The following KCTD8 variants were observed in gnomAD, a reference collection of about 807,000 sequenced individuals.
KCTD8 encodes potassium channel tetramerization domain containing 8, also known as BTB/POZ domain-containing protein KCTD8.
In KCTD8, 27 loss-of-function variants were observed where a neutral mutation model predicts 31.5. The ratio of observed to expected loss-of-function variants is 0.86; its 90% CI spans 0.63 to 1.18. The LOEUF (loss-of-function observed/expected upper bound fraction) is 1.18, where lower values mean the gene tolerates loss of function less well. Among genes scored for constraint, KCTD8 ranks in the 50% most tolerant of loss-of-function variants. The probability of loss-of-function intolerance (pLI) is 0.00; values close to 1 mark genes in which losing one functional copy is unlikely to be tolerated. For missense variants in KCTD8, 658 were observed against 647.7 expected, an observed-to-expected ratio of 1.02 and a Z score of -0.17; for synonymous variants, 290 against 280.0, an observed-to-expected ratio of 1.04 and a Z score of -0.36.
chr4:44,190,006 T>C (rs1323604408), intron 1 of KCTD8, among the ~76,000 whole-genome samples: 1 of 152,190 alleles, frequency 6.6e-6, no homozygotes, highest in Non-Finnish European at 1.5e-5. Context: ...CTCAATCATT[T>C]TCCTCACCTT....
chr4:44,407,642 TC>T (rs1450776934), intron 1 of KCTD8, among the ~76,000 whole-genome samples: 1 of 152,096 alleles, frequency 6.6e-6, no homozygotes, highest in Non-Finnish European at 1.5e-5. Flanking sequence ...CGCCTTGGCC[TC>T]CCAAAGTGCT....
chr4:44,362,435 G>C (rs1577636896), intron 1 of KCTD8, among the ~76,000 whole-genome samples: 1 of 152,036 alleles, frequency 6.6e-6, no homozygotes, highest in Non-Finnish European at 1.5e-5. Context: ...AAGATAGTAA[G>C]CAGTATTTGT....
chr4:44,221,906 C>T (rs187060132), intron 1 of KCTD8, among the ~76,000 whole-genome samples: 4 of 152,252 alleles, frequency 2.6e-5, no homozygotes, highest in African/African-American at 9.6e-5. Flanking sequence ...TACTTTGCAT[C>T]ATTCAATCCA....
Position 44,175,269 on chromosome 4 carries a change from AAAG to A in KCTD8, c.962-22_962-20del, listed in dbSNP as rs113691229. 4,669 of 1,426,242 alleles carry A rather than the reference AAAG, an allele frequency of 3.3e-3. 128 individuals are homozygous for A. The African/African-American group carries it at 0.059, about 18-fold the overall frequency. The allele number at this position is 1,426,242 out of a possible 1,614,324, so 88.3% of individuals were successfully genotyped here. The stretch of plus-strand genomic sequence containing the variant: ...GGTGGTCCTAAAAAGGAGGAAAAAA[AAAG>A]AAGAAGAGTAGAACAGTTGAATAAG... On this transcript the variant is annotated intron_variant, in intron 1 of 1. Coordinates refer to ENST00000360029, the MANE Select transcript of KCTD8 (RefSeq NM_198353.3).
At chr4:44,256,888 C>G (rs1379461860) in intron 1 of KCTD8, among the ~76,000 whole-genome samples, 1 of 151,930 alleles carries the variant, frequency 6.6e-6, no homozygotes, top group Admixed American at 6.6e-5. Context: ...ATTGTTGAAG[C>G]CACTGAATCT....
chr4:44,254,679 C>T (rs1441155106), intron 1 of KCTD8, among the ~76,000 whole-genome samples: 1 of 151,812 alleles, frequency 6.6e-6, no homozygotes, highest in Non-Finnish European at 1.5e-5. Context: ...AAGAAAAGCC[C>T]TCCCATTCAC....
chr4:44,182,149 G>A (rs907986976), intron 1 of KCTD8, among the ~76,000 whole-genome samples: 6 of 151,472 alleles, frequency 4.0e-5, no homozygotes, highest in African/African-American at 7.3e-5. Flanking sequence ...CCGGCCAGCC[G>A]CCCCGTCCGA....
intron 1 of KCTD8, among the ~76,000 whole-genome samples, chr4:44,325,613 T>C (rs887903054): frequency 6.6e-6 from 1 of 151,864 alleles, no homozygotes; most frequent in Admixed American, 6.6e-5. Flanking sequence ...CCCATAAATA[T>C]ATACAGCTAC....
At chr4:44,350,449 A>G (rs1719168002) in intron 1 of KCTD8, among the ~76,000 whole-genome samples, 1 of 152,196 alleles carries the variant, frequency 6.6e-6, no homozygotes, top group Non-Finnish European at 1.5e-5. Flanking sequence ...TACACCTATA[A>G]TAAGTGGGTC....
chr4:44,175,857 C>T (rs1713198674), intron 1 of KCTD8, among the ~76,000 whole-genome samples: 3 of 152,078 alleles, frequency 2.0e-5, no homozygotes, highest in Non-Finnish European at 4.4e-5. Context: ...TGTGAAAGTG[C>T]TATAAGATAT....
intron 1 of KCTD8, among the ~76,000 whole-genome samples, chr4:44,436,184 T>G (rs2109480992): frequency 6.6e-6 from 1 of 151,884 alleles, no homozygotes; most frequent in South Asian, 2.1e-4. Context: ...AACAAAAGAG[T>G]CTTGCCTAAA....
At chr4:44,354,294 C>A (rs548675121) in intron 1 of KCTD8, among the ~76,000 whole-genome samples, 7 of 152,234 alleles carry the variant, frequency 4.6e-5, no homozygotes, top group Non-Finnish European at 1.0e-4. Context: ...TCTTCCTACT[C>A]CCTGGCTTCA....
In KCTD8 at chr4:44,199,789, G is replaced by T. The variant is rs184162937; in HGVS notation, c.962-24539C>A. ...CAACTGTAAATCTAGCAGGAAAAAA[G>T]AAATATCTAAAACCAGAGAAGAACT... On this transcript the variant is annotated intron_variant, in intron 1 of 1. Coordinates refer to ENST00000360029, the MANE Select transcript of KCTD8 (RefSeq NM_198353.3). Among the ~76,000 whole-genome samples, 5 of 151,864 alleles carry T rather than the reference G, an allele frequency of 3.3e-5. No individual in the cohort carries two copies. The East Asian group carries it at 9.7e-4, about 29-fold the overall frequency.
chr4:44,408,468 C>A (rs1239069889), intron 1 of KCTD8, among the ~76,000 whole-genome samples: 2 of 151,854 alleles, frequency 1.3e-5, no homozygotes, highest in East Asian at 1.9e-4. Flanking sequence ...GTTAACAAAA[C>A]CAAAAAACAA....
intron 1 of KCTD8, among the ~76,000 whole-genome samples, chr4:44,416,532 T>C (rs1172805156): frequency 2.0e-5 from 3 of 152,154 alleles, no homozygotes; most frequent in South Asian, 4.1e-4. Flanking sequence ...TATTTGATCA[T>C]AGGGGCGGAT....
intron 1 of KCTD8, among the ~76,000 whole-genome samples, chr4:44,318,138 G>T (rs2109404154): frequency 6.6e-6 from 1 of 152,274 alleles, no homozygotes; most frequent in South Asian, 2.1e-4. Context: ...TATGTAGTCT[G>T]CTTTCTATAT....
chr4:44,339,336 T>A (rs1045101053), intron 1 of KCTD8, among the ~76,000 whole-genome samples: 2 of 151,988 alleles, frequency 1.3e-5, no homozygotes, highest in Admixed American at 1.3e-4. Context: ...CCAAACATAC[T>A]GAGAGCAGGA....
chr4:44,301,573 T>C (rs893702583), intron 1 of KCTD8, among the ~76,000 whole-genome samples: 12 of 152,210 alleles, frequency 7.9e-5, no homozygotes, highest in African/African-American at 2.4e-4. Flanking sequence ...TGTTTCTTTT[T>C]TTCTTGTAAA....
At chr4:44,243,878 T>C (rs1715575131) in intron 1 of KCTD8, among the ~76,000 whole-genome samples, 1 of 152,174 alleles carries the variant, frequency 6.6e-6, no homozygotes, top group Non-Finnish European at 1.5e-5. Context: ...CATAGGTTAT[T>C]CTCATTATGC....
Sources: allele counts gnomAD v4.1 joint callset (sites outside exome capture counted in the v4.1 genomes callset), GRCh38; gene constraint gnomAD v4.1.1; transcripts MANE v1.5; gene names NCBI Gene and HGNC (gene_info 2026-07-23, HGNC 2026-07-21).